Variants in SUCO observed in about 807,000 individuals in gnomAD.
SUCO encodes SUN domain containing ossification factor, also known as SUN domain-containing ossification factor.
SUCO carries 57 observed loss-of-function variants against 148.1 expected under a neutral mutation model. The ratio of observed to expected loss-of-function variants is 0.38; its 90% CI spans 0.31 to 0.48. The LOEUF (loss-of-function observed/expected upper bound fraction) is 0.48, where lower values mean the gene tolerates loss of function less well. Among genes scored for constraint, SUCO ranks in the 20% least tolerant of loss-of-function variants. The pLI is 0.96. For missense variants in SUCO, 1,331 were observed against 1,468.2 expected (o/e 0.91, Z 1.53); for synonymous variants, 470 against 502.7 (o/e 0.93, Z 0.87).
At chr1:172,534,330 C>T (rs1223222626) in intron 1 of SUCO, among the ~76,000 whole-genome samples, 3 of 152,182 alleles carry the variant, frequency 2.0e-5, no homozygotes, top group Non-Finnish European at 2.9e-5. Flanking sequence ...CAGGGAATTT[C>T]TTCAAAGATG....
chr1:172,564,022 G>C (rs955350036), intron 6 of SUCO, among the ~76,000 whole-genome samples: 31 of 152,388 alleles, frequency 2.0e-4, no homozygotes, highest in African/African-American at 7.2e-4. Context: ...AGCCTTTGCA[G>C]CTTCCGTGTG....
At chr1:172,536,253 A>T (rs1652004475) in intron 1 of SUCO, among the ~76,000 whole-genome samples, 1 of 150,900 alleles carries the variant, frequency 6.6e-6, no homozygotes, top group East Asian at 1.9e-4. Context: ...CAGGCTCCTG[A>T]GTACTTTATA....
chr1:172,579,592 A>T (rs1655723774), intron 15 of SUCO, among the ~76,000 whole-genome samples: 1 of 152,110 alleles, frequency 6.6e-6, no homozygotes. Flanking sequence ...ACCACAGTTA[A>T]TCTATGGGTA....
At chr1:172,537,744 G>A (rs1014937519) in intron 1 of SUCO, among the ~76,000 whole-genome samples, 1 of 152,082 alleles carries the variant, frequency 6.6e-6, no homozygotes, top group Admixed American at 6.5e-5. Flanking sequence ...TTAGACTTTC[G>A]GGAAGAGCTT....
chr1:172,606,279 AT>A (rs1279126560), intron 22 of SUCO, among the ~76,000 whole-genome samples: 172 of 89,372 alleles, frequency 1.9e-3, no homozygotes, highest in East Asian at 5.5e-3. Flanking sequence ...ATCCCTTTTA[AT>A]TTTTTTTTTT....
rs1653789963 is a variant in SUCO, at chr1:172,556,816, A to C, written c.444-464A>C. The C allele has an allele frequency of 1.6e-5, 14 of 853,100 alleles. 2 individuals carry two copies. In the South Asian group the frequency reaches 4.3e-4, roughly 26 times the overall value. 52.8% of individuals were successfully genotyped at this position (853,100 alleles called of 1,614,324 possible). A position where few individuals can be genotyped will look rare whatever the true frequency, so the allele number is the denominator to read the frequency against. On this transcript the variant is annotated intron_variant, in intron 4 of 23. Coordinates refer to ENST00000263688, the MANE Select transcript of SUCO (RefSeq NM_014283.5). Reference sequence around the variant, plus strand: ...TAGATACTATATATCTGAAGAGTGAATGCTATACTCCCATTATATTAAAAA... The same window carrying C: ...TAGATACTATATATCTGAAGAGTGACTGCTATACTCCCATTATATTAAAAA...
intron 18 of SUCO, chr1:172,590,359 T>A (rs1285509061): frequency 5.1e-6 from 5 of 985,124 alleles, no homozygotes; most frequent in Non-Finnish European, 3.6e-6. Flanking sequence ...AACTGGATGA[T>A]TGGGCACATT....
chr1:172,581,959 C>T (rs1167030066), intron 15 of SUCO, among the ~76,000 whole-genome samples: 3 of 152,178 alleles, frequency 2.0e-5, no homozygotes, highest in Non-Finnish European at 2.9e-5. Flanking sequence ...GCATTCTTGG[C>T]TTTGTGTGTA....
intron 20 of SUCO, 124 bp downstream of exon 20, chr1:172,600,292 C>T: frequency 1.5e-6 from 1 of 688,836 alleles, no homozygotes; most frequent in South Asian, 1.9e-5. Context: ...TTGTAGTGAA[C>T]TTTTTCAAAA....
At chr1:172,594,148 AT>A (rs1273396670) in intron 19 of SUCO, among the ~76,000 whole-genome samples, 3 of 150,018 alleles carry the variant, frequency 2.0e-5, no homozygotes, top group Admixed American at 6.6e-5. Flanking sequence ...TTTTGCATCT[AT>A]TTTTTTCTTC....
chr1:172,535,153 C>T (rs1260204081), intron 1 of SUCO, among the ~76,000 whole-genome samples: 2 of 152,084 alleles, frequency 1.3e-5, no homozygotes, highest in Admixed American at 6.5e-5. Context: ...AATGAATTTC[C>T]CTGTTAGGGA....
intron 15 of SUCO, among the ~76,000 whole-genome samples, chr1:172,582,383 A>T (rs1655936490): frequency 6.6e-6 from 1 of 152,092 alleles, no homozygotes; most frequent in South Asian, 2.1e-4. Context: ...GCCTGGAAAA[A>T]TGTTTGTTTT....
In SUCO at chr1:172,588,782, A is replaced by C. The variant is rs772679837; in HGVS notation, c.1681A>C (p.Thr561Pro). The part of the protein sequence containing the change: ...SPEYVTTEVH[T>P]HDMEPSTPDT... ...TAGGTATGTAACCACTGAAGTACAC[A>C]CACATGACATGGAGCCGTCAACACC... Residue 561 changes from threonine (T) to proline (P), a missense_variant, in exon 18 of 24, where the codon ACA becomes CCA. Physicochemically the swap from Thr to Pro is conservative, Grantham distance 38. Around this residue, in one of 3 missense-constraint regions of SUCO, gnomAD observed 992 missense variants for 1,093.5 expected, o/e 0.91. Transcript: ENST00000263688. 1 of 1,540,248 alleles carries C rather than the reference A, an allele frequency of 6.5e-7. No individual in the cohort carries two copies. Among genetic ancestry groups the C allele is most frequent in the African/African-American group, 1.4e-5 (1 of 72,406 alleles).
intron 6 of SUCO, among the ~76,000 whole-genome samples, chr1:172,567,632 A>G (rs1654647417): frequency 6.6e-6 from 1 of 151,964 alleles, no homozygotes; most frequent in Admixed American, 6.6e-5. Flanking sequence ...CATTTAATGG[A>G]TATTTAGGTT....
chr1:172,583,095 AGTGTAG>A (rs1558199088), intron 15 of SUCO, among the ~76,000 whole-genome samples: 1 of 152,164 alleles, frequency 6.6e-6, no homozygotes, highest in Non-Finnish European at 1.5e-5. Context: ...TATAGGTGGC[AGTGTAG>A]GTGGGGCATC....
At chr1:172,535,254 T>G (rs1307072687) in intron 1 of SUCO, among the ~76,000 whole-genome samples, 1 of 152,194 alleles carries the variant, frequency 6.6e-6, no homozygotes, top group Admixed American at 6.5e-5. Context: ...GTGGAGAGTT[T>G]AAGAGTGTGA....
At chr1:172,533,702 T>A (rs1487383114) in intron 1 of SUCO, among the ~76,000 whole-genome samples, 2 of 152,084 alleles carry the variant, frequency 1.3e-5, no homozygotes, top group Non-Finnish European at 1.5e-5. Context: ...ATTTTGGAAT[T>A]TACAGAGACT....
chr1:172,565,896 C>A (rs1654515663), intron 6 of SUCO, among the ~76,000 whole-genome samples: 1 of 152,188 alleles, frequency 6.6e-6, no homozygotes, highest in Non-Finnish European at 1.5e-5. Flanking sequence ...GGCTTTTGTT[C>A]CCTAGCTTAC....
chr1:172,606,464 C>A (rs547035465), intron 22 of SUCO, among the ~76,000 whole-genome samples: 1 of 151,748 alleles, frequency 6.6e-6, no homozygotes, highest in East Asian at 1.9e-4. Flanking sequence ...TGTATCTTCT[C>A]CTTAACAATA....
Sources: allele counts gnomAD v4.1 joint callset (sites outside exome capture counted in the v4.1 genomes callset), GRCh38; gene constraint gnomAD v4.1.1; regional missense constraint gnomAD v4.1.1; transcripts MANE v1.5; gene names NCBI Gene and HGNC (gene_info 2026-07-23, HGNC 2026-07-21).